Variants in KDM6A observed in about 807,000 individuals in gnomAD.
KDM6A encodes lysine-specific demethylase 6A.
In KDM6A, 11 loss-of-function variants were observed where a neutral mutation model predicts 117.6. The observed-to-expected ratio is 0.09, with a 90% CI of 0.06 to 0.15. The LOEUF (loss-of-function observed/expected upper bound fraction) is 0.15. KDM6A is among the 10% of genes least tolerant of loss of function. KDM6A has a pLI of 1.00. For synonymous variants in KDM6A, 384 were observed against 396.1 expected (o/e 0.97, Z 0.36); for missense variants, 799 against 1,077.3 (o/e 0.74, Z 3.62).
At position 45,050,827 on chromosome X, in the gene KDM6A, G is replaced by A. The variant is rs138324347; in HGVS notation, c.655-882G>A. ...AATGGTTTCATTTAGACATTTGCCT[G>A]TGAAATCCTAAGTCTTACAGACATT... On this transcript the variant is annotated intron_variant, in intron 8 of 29. Coordinates refer to ENST00000611820, the MANE Select transcript of KDM6A (RefSeq NM_001291415.2). 5.8e-3 allele frequency among the ~76,000 whole-genome samples: 648 copies of A among 111,036 alleles called. 5 individuals are homozygous for A. Among genetic ancestry groups the A allele is most frequent in the African/African-American group, 0.02 (612 of 30,573 alleles).
intron 2 of KDM6A, among the ~76,000 whole-genome samples, chrX:44,876,438 T>C: frequency 1.8e-5 from 2 of 111,231 alleles, no homozygotes; most frequent in South Asian, 7.5e-4. Context: ...TTTTTGTTTT[T>C]TATTTTTATT....
At chrX:44,882,918 C>T (rs1291591278) in intron 2 of KDM6A, among the ~76,000 whole-genome samples, 12 of 111,414 alleles carry the variant, frequency 1.1e-4, no homozygotes, top group Non-Finnish European at 1.9e-4. Context: ...AATAAAGATA[C>T]ATGCAAAGTG....
At position 45,093,289 on chromosome X, in the gene KDM6A, G is replaced by A. The variant is rs144805703; in HGVS notation, c.4034+2425G>A. Among the ~76,000 whole-genome samples the A allele has an allele frequency of 5.2e-3, 550 of 106,658 alleles. 5 individuals are homozygous for A. The highest frequency in any genetic ancestry group is 0.018 in the African/African-American group (514 of 29,162). 92.6% of individuals were successfully genotyped at this position (106,658 alleles called of 115,157 possible). A position where few individuals can be genotyped will look rare whatever the true frequency, so the allele number is the denominator to read the frequency against. ...TCCCAGCTACTCTGGAGGCTGAGGCGGCAGGGGTGGTGGGGCGGGGGGTTG... is the reference window on the plus strand; with the variant it reads ...TCCCAGCTACTCTGGAGGCTGAGGCAGCAGGGGTGGTGGGGCGGGGGGTTG... On this transcript the variant is annotated intron_variant, in intron 27 of 29. Transcript: ENST00000611820.
In KDM6A at chrX:44,897,950, C is replaced by T. The variant is rs146006841; in HGVS notation, c.225+23963C>T. Among the ~76,000 whole-genome samples the T allele has an allele frequency of 2.7e-5, 3 of 111,281 alleles. No individual in the cohort carries two copies. The Admixed American group carries it at 2.9e-4, about 11-fold the overall frequency. On this transcript the variant is annotated intron_variant, in intron 2 of 29. Coordinates refer to ENST00000611820, the MANE Select transcript of KDM6A (RefSeq NM_001291415.2). Reference sequence around the variant, plus strand: ...GTGGGTGTGTTCATTCAGCTTCTTGCTGGGTCCTGCTGATAATTACTGTGG... The same window carrying T: ...GTGGGTGTGTTCATTCAGCTTCTTGTTGGGTCCTGCTGATAATTACTGTGG...
chrX:44,991,063 A>G (rs1197770901), intron 4 of KDM6A, among the ~76,000 whole-genome samples: 2 of 111,983 alleles, frequency 1.8e-5, no homozygotes, highest in African/African-American at 3.2e-5. Flanking sequence ...GGAAGATTTT[A>G]TACTACTGGT....
intron 6 of KDM6A, among the ~76,000 whole-genome samples, chrX:45,028,037 C>T (rs1320782347): frequency 9.1e-6 from 1 of 110,053 alleles, no homozygotes; most frequent in Non-Finnish European, 1.9e-5. Context: ...AGGCGATCCG[C>T]CTGCCTTGGC....
rs1180014736 is a variant in KDM6A, at chrX:45,040,676, AC to A, written c.654+2995del. On this transcript the variant is annotated intron_variant, in intron 8 of 29. Coordinates refer to ENST00000611820, the MANE Select transcript of KDM6A (RefSeq NM_001291415.2). ...GGGCGGCTGGCCGGGCGGGGGGCTG[AC>A]CCCCCCCACCTCCCTCCCGGACGGG... 5.1e-3 allele frequency among the ~76,000 whole-genome samples: 238 copies of A among 46,582 alleles called. 2 individuals carry two copies. Among genetic ancestry groups the A allele is most frequent in the South Asian group, 0.033 (21 of 640 alleles). The allele number at this position is 46,582 out of a possible 115,157, so 40.5% of individuals were successfully genotyped here.
At chrX:44,901,603 C>T (rs142951839) in intron 2 of KDM6A, among the ~76,000 whole-genome samples, 4,164 of 110,943 alleles carry the variant, frequency 0.038, 202 homozygotes, top group African/African-American at 0.13. Flanking sequence ...TCTGTTTTTC[C>T]TCAATTCAGC....
chrX:44,952,654 T>C (rs1374103904), intron 2 of KDM6A, among the ~76,000 whole-genome samples: 1 of 112,177 alleles, frequency 8.9e-6, no homozygotes, highest in African/African-American at 3.2e-5. Context: ...GTGACAAATG[T>C]TTAAGTTCCT....
intron 2 of KDM6A, among the ~76,000 whole-genome samples, chrX:44,947,334 G>GT (rs1258910809): frequency 9.1e-6 from 1 of 109,913 alleles, no homozygotes; most frequent in African/African-American, 3.3e-5. Flanking sequence ...CTCGTCTGAA[G>GT]TTTGTGTTCT....
intron 27 of KDM6A, among the ~76,000 whole-genome samples, chrX:45,105,269 G>A (rs781475174): frequency 1.1e-4 from 12 of 112,053 alleles, no homozygotes; most frequent in South Asian, 3.7e-4. Flanking sequence ...ACTTCTCTGC[G>A]CTCCTTTTTC....
At chrX:45,056,480 A>G (rs947012757) in intron 10 of KDM6A, among the ~76,000 whole-genome samples, 2 of 112,007 alleles carry the variant, frequency 1.8e-5, no homozygotes, top group Non-Finnish European at 3.8e-5. Flanking sequence ...GTAATGTGAT[A>G]TTCTGTTTTG....
At chrX:44,940,670 G>T (rs1037440156) in intron 2 of KDM6A, among the ~76,000 whole-genome samples, 14 of 111,745 alleles carry the variant, frequency 1.3e-4, no homozygotes, top group Non-Finnish European at 2.4e-4. Context: ...TGAAAAAAGA[G>T]GCCAGTTCAC....
intron 2 of KDM6A, among the ~76,000 whole-genome samples, chrX:44,882,145 T>C (rs776024348): frequency 1.2e-4 from 14 of 112,320 alleles, no homozygotes; most frequent in Non-Finnish European, 2.4e-4. Context: ...GGGTTATTTT[T>C]AAACTACAAA....
At chrX:45,012,946 A>G (rs1006322443) in intron 5 of KDM6A, among the ~76,000 whole-genome samples, 6 of 112,176 alleles carry the variant, frequency 5.3e-5, no homozygotes, top group African/African-American at 1.9e-4. Flanking sequence ...ATTATCCTAA[A>G]TAAAGCCTCC....
In KDM6A at chrX:45,063,828, G is replaced by T. The variant is rs1363858019; in HGVS notation, c.2079+11G>T. ...TCTAACTCCACTCAGGTAATAGGAGGACTAGCTTCCTTGTTGGCTTTTCAC... is the reference window on the plus strand; with the variant it reads ...TCTAACTCCACTCAGGTAATAGGAGTACTAGCTTCCTTGTTGGCTTTTCAC... On this transcript the variant is annotated intron_variant, in intron 17 of 29. Transcript: ENST00000611820. 1.7e-6 allele frequency: 2 copies of T among 1,179,829 alleles called. No individual in the cohort carries two copies. Among genetic ancestry groups the T allele is most frequent in the Non-Finnish European group, 2.3e-6 (2 of 876,525 alleles).
At chrX:44,910,466 T>G (rs1602149201) in intron 2 of KDM6A, among the ~76,000 whole-genome samples, 1 of 108,860 alleles carries the variant, frequency 9.2e-6, no homozygotes, top group East Asian at 2.9e-4. Context: ...ATAAACTTTT[T>G]TTTTTCTTTA....
intron 14 of KDM6A, among the ~76,000 whole-genome samples, chrX:45,061,105 CT>C (rs767349680): frequency 7.3e-4 from 81 of 110,468 alleles, no homozygotes; most frequent in Non-Finnish European, 1.2e-3. Context: ...GAGGGTGGGC[CT>C]TTTTGGGTGG....
intron 3 of KDM6A, among the ~76,000 whole-genome samples, chrX:44,968,736 C>T (rs751277080): frequency 3.8e-4 from 42 of 111,432 alleles, no homozygotes; most frequent in African/African-American, 1.3e-3. Flanking sequence ...TTTGGGAGGC[C>T]GAGGCGGGCG....
Sources: allele counts gnomAD v4.1 joint callset (sites outside exome capture counted in the v4.1 genomes callset), GRCh38; gene constraint gnomAD v4.1.1; transcripts MANE v1.5; gene names NCBI Gene and HGNC (gene_info 2026-07-23, HGNC 2026-07-21).